NAV2: variants seen among roughly 807,000 people sequenced by gnomAD.
NAV2 encodes neuron navigator 2, also known as helicase, APC down-regulated 1.
Under a neutral mutation model 223.2 loss-of-function variants are expected in NAV2, and 54 were observed. That is an observed-to-expected ratio of 0.24 (90% CI 0.19 to 0.30). NAV2 has a LOEUF of 0.30. Among genes scored for constraint, NAV2 ranks in the 10% least tolerant of loss-of-function variants. The pLI, the probability that NAV2 is intolerant of heterozygous loss-of-function variation, is 1.00. For synonymous variants in NAV2, 1,279 were observed against 1,239.3 expected (o/e 1.03, Z -0.67); for missense variants, 2,806 against 3,147.5 (o/e 0.89, Z 2.60).
chr11:19,754,400 C>T (rs2152511776), intron 1 of NAV2, among the ~76,000 whole-genome samples: 1 of 152,288 alleles, frequency 6.6e-6, no homozygotes, highest in Non-Finnish European at 1.5e-5. Flanking sequence ...GTGCAGGAGG[C>T]AGCTGATTCT....
Position 19,934,260 on chromosome 11 carries a change from T to C in NAV2, c.2016T>C (p.Val672=). The change falls in exon 7 of 38, where the codon GTT becomes GTC. Residue 672 remains valine, a synonymous_variant. Coordinates refer to ENST00000349880, the MANE Select transcript of NAV2 (RefSeq NM_145117.5). ...ACAACCATCCCAACACTGCCACGGT[T>C]GCACCTTTCCTGTACAGGTAGGAGC... The part of the protein sequence containing the change: ...QQYNHPNTAT[V]APFLYRSQTD... 6.3e-7 allele frequency: 1 copy of C among 1,599,572 alleles called. No individual in the cohort carries two copies. The highest frequency in any genetic ancestry group is 1.1e-5 in the South Asian group (1 of 88,496).
intron 6 of NAV2, among the ~76,000 whole-genome samples, chr11:19,902,507 G>T (rs1056413026): frequency 6.6e-6 from 1 of 152,168 alleles, no homozygotes; most frequent in African/African-American, 2.4e-5. Flanking sequence ...TAGAGAAAAA[G>T]AGAAAATATA....
Position 19,713,904 on chromosome 11 carries a change from C to T in NAV2, c.209C>T (p.Ala70Val), listed in dbSNP as rs376382958. The T allele has an allele frequency of 6.2e-7, 1 of 1,613,506 alleles. No individual in the cohort carries two copies. Among genetic ancestry groups the T allele is most frequent in the Admixed American group, 1.7e-5 (1 of 60,028 alleles). ...GTGCTGCAGGGGCTGCAGGAGCCAGCGGGGGAGGGGCTCCCGCTGCGGAAG... is the reference window on the plus strand; with the variant it reads ...GTGCTGCAGGGGCTGCAGGAGCCAGTGGGGGAGGGGCTCCCGCTGCGGAAG... ...SQVLQGLQEP[A>V]GEGLPLRKSG... The change falls in exon 1 of 38, where the codon GCG (alanine) becomes GTG (valine). Residue 70 changes from alanine to valine, a missense_variant. Ala to Val is a moderately conservative substitution (Grantham distance 64). Coordinates refer to ENST00000349880, the MANE Select transcript of NAV2 (RefSeq NM_145117.5). This position sits in a 1 kb window ranked among gnomAD's most constrained non-coding sequence, Gnocchi z 7.2.
At chr11:19,634,870 A>C (rs147988314) in intron 1 of NAV2, among the ~76,000 whole-genome samples, 109 of 152,342 alleles carry the variant, frequency 7.2e-4, no homozygotes, top group African/African-American at 2.4e-3. Flanking sequence ...GGAACTATCT[A>C]GGCAGAAAAT....
At chr11:20,054,514 G>A (rs2058240228) in intron 18 of NAV2, among the ~76,000 whole-genome samples, 1 of 152,116 alleles carries the variant, frequency 6.6e-6, no homozygotes, top group Non-Finnish European at 1.5e-5. Flanking sequence ...AAAATAAATA[G>A]AGAAAATAGT....
At chr11:19,618,111 C>T (rs1279926952) in intron 1 of NAV2, among the ~76,000 whole-genome samples, 5 of 152,212 alleles carry the variant, frequency 3.3e-5, no homozygotes, top group Non-Finnish European at 7.3e-5. Context: ...CTATAAGACC[C>T]ATAAGGCAGA....
At chr11:19,655,985 G>T (rs186618962) in intron 1 of NAV2, among the ~76,000 whole-genome samples, 272 of 152,286 alleles carry the variant, frequency 1.8e-3, no homozygotes, top group African/African-American at 6.2e-3. Flanking sequence ...AAGGAAGATT[G>T]TCCAGCTGAT....
intron 16 of NAV2, 129 bp downstream of exon 16, chr11:20,050,030 C>A: frequency 1.3e-6 from 1 of 780,004 alleles, no homozygotes; most frequent in East Asian, 2.6e-5. Flanking sequence ...CTAGTGTACT[C>A]TGTGACACAT....
chr11:19,584,504 T>C (rs1465089330), intron 1 of NAV2, among the ~76,000 whole-genome samples: 2 of 152,248 alleles, frequency 1.3e-5, no homozygotes, highest in Non-Finnish European at 2.9e-5. Context: ...CTGTTTTCTC[T>C]TGTGGGCATT....
chr11:19,600,861 C>A (rs2046333116), intron 1 of NAV2, among the ~76,000 whole-genome samples: 1 of 152,208 alleles, frequency 6.6e-6, no homozygotes, highest in Non-Finnish European at 1.5e-5. Context: ...TTATAGCCAG[C>A]AAATGGTAGA....
intron 11 of NAV2, among the ~76,000 whole-genome samples, chr11:20,005,253 A>ATATATTTTTTT (rs1277010848): frequency 0.022 from 2,909 of 133,930 alleles, 52 homozygotes; most frequent in Non-Finnish European, 0.029. Context: ...ATATATATAT[A>ATATATTTTTTT]TTTTTTTTTT....
intron 3 of NAV2, among the ~76,000 whole-genome samples, chr11:19,844,145 C>T (rs7120530): frequency 0.36 from 54,343 of 152,018 alleles, 10,591 homozygotes; most frequent in African/African-American, 0.51. Context: ...TTTGGAAAAG[C>T]TGGGCTGCTA....
intron 1 of NAV2, among the ~76,000 whole-genome samples, chr11:19,661,217 G>A (rs2048273911): frequency 6.6e-6 from 1 of 152,118 alleles, no homozygotes; most frequent in African/African-American, 2.4e-5. Context: ...TTTGTGTCTG[G>A]CTTACTTCAC....
At chr11:19,881,747 G>A (rs1254626269) in intron 5 of NAV2, among the ~76,000 whole-genome samples, 1 of 152,166 alleles carries the variant, frequency 6.6e-6, no homozygotes, top group Non-Finnish European at 1.5e-5. Flanking sequence ...ACAGGAAAGG[G>A]AGCTATCAGA....
intron 1 of NAV2, among the ~76,000 whole-genome samples, chr11:19,772,972 T>G (rs1242671520): frequency 2.6e-5 from 4 of 151,938 alleles, no homozygotes; most frequent in Admixed American, 2.0e-4. Context: ...AATTTAGGAG[T>G]GAGAAGGAAC....
In NAV2 at chr11:19,935,864, T is replaced by TGTTTTTTTTTTTTTTTG. The variant is rs1555156833; in HGVS notation, c.2033+1587_2033+1588insGTTTTTTTTTTTTTTTG. On this transcript the variant is annotated intron_variant, in intron 7 of 37. Transcript: ENST00000349880. ...TGTTTTGTTTCTGTTTTTTTTTTTTTTTTTTTTTTTTGAGATGGAGTGTCG... is the reference window on the plus strand; with the variant it reads ...TGTTTTGTTTCTGTTTTTTTTTTTTTGTTTTTTTTTTTTTTTGTTTTTTTTTTTGAGATGGAGTGTCG... Among the ~76,000 whole-genome samples, 16 of 101,178 alleles carry TGTTTTTTTTTTTTTTTG rather than the reference T, an allele frequency of 1.6e-4. No individual in the cohort carries two copies. In the South Asian group the frequency reaches 2.3e-3, roughly 14 times the overall value. 66.4% of individuals were successfully genotyped at this position (101,178 alleles called of 152,430 possible).
intron 6 of NAV2, among the ~76,000 whole-genome samples, chr11:19,896,392 C>G (rs755041805): frequency 5.9e-5 from 9 of 152,096 alleles, no homozygotes; most frequent in Non-Finnish European, 7.3e-5. Context: ...TGAGAACTCT[C>G]GATACCTCAT....
chr11:19,349,767 T>C (rs1853197153), upstream of NAV2, among the ~76,000 whole-genome samples: 2 of 152,094 alleles, frequency 1.3e-5, no homozygotes. Flanking sequence ...GTGTACCAAG[T>C]GTGAATATTT....
At chr11:19,876,471 T>C (rs772993573) in intron 4 of NAV2, among the ~76,000 whole-genome samples, 21 of 152,152 alleles carry the variant, frequency 1.4e-4, no homozygotes, top group Non-Finnish European at 1.3e-4. Flanking sequence ...CGATGGACTG[T>C]AGAGATTTAA....
Sources: allele counts gnomAD v4.1 joint callset (sites outside exome capture counted in the v4.1 genomes callset), GRCh38; gene constraint gnomAD v4.1.1; non-coding constraint Gnocchi (gnomAD v3.1); transcripts MANE v1.5; gene names NCBI Gene and HGNC (gene_info 2026-07-23, HGNC 2026-07-21).